Variants in PPFIA2 observed in about 807,000 individuals in gnomAD.
PPFIA2 encodes the protein liprin-alpha-2.
PPFIA2 carries 46 observed loss-of-function variants against 175.5 expected under a neutral mutation model. The ratio of observed to expected loss-of-function variants is 0.26; its 90% CI spans 0.21 to 0.34. PPFIA2 has a LOEUF of 0.34. Among genes scored for constraint, PPFIA2 ranks in the 10% least tolerant of loss-of-function variants. The pLI is 1.00. For missense variants in PPFIA2, 1,179 were observed against 1,506.1 expected (o/e 0.78, Z 3.60); for synonymous variants, 568 against 511.4 (o/e 1.11, Z -1.49).
chr12:81,700,339 CAG>C (rs1360152080), intron 3 of PPFIA2, among the ~76,000 whole-genome samples: 4 of 151,964 alleles, frequency 2.6e-5, no homozygotes, highest in African/African-American at 9.6e-5. Context: ...TAATCAAATG[CAG>C]AGTTCTACAA....
chr12:81,345,160 G>A (rs755087699), intron 18 of PPFIA2, among the ~76,000 whole-genome samples: 4 of 152,028 alleles, frequency 2.6e-5, no homozygotes, highest in Non-Finnish European at 5.9e-5. Context: ...TGCTGTTCCT[G>A]TGGGATCTCA....
chr12:81,353,217 A>G lies in PPFIA2; in HGVS notation c.1896T>C (p.Phe632=), dbSNP rs371093156. The part of the protein sequence containing the change: ...DIDDDDRETI[F]SSMDLLSPSG... ...TTGGAGAGAGAAGATCCATTGAGCT[A>G]AAAATTGTTTCTCTGTCATCATCAT... Residue 632 remains phenylalanine, a synonymous_variant, in exon 17 of 33, where the codon TTT becomes TTC. Transcript: ENST00000549396. 6.2e-7 allele frequency: 1 copy of G among 1,613,844 alleles called. No individual in the cohort carries two copies. The highest frequency in any genetic ancestry group is 8.5e-7 in the Non-Finnish European group (1 of 1,179,820).
chr12:81,742,806 G>A (rs2082489488), intron 3 of PPFIA2, among the ~76,000 whole-genome samples: 1 of 152,248 alleles, frequency 6.6e-6, no homozygotes, highest in East Asian at 1.9e-4. Flanking sequence ...ACTGAAAAGT[G>A]GCCAAAAACA....
At chr12:81,429,135 T>C (rs1176410023) in intron 7 of PPFIA2, among the ~76,000 whole-genome samples, 1 of 152,070 alleles carries the variant, frequency 6.6e-6, no homozygotes, top group Non-Finnish European at 1.5e-5. Flanking sequence ...ATATGTAGCA[T>C]GCATAAACAT....
chr12:81,641,900 C>A (rs2065018951), intron 4 of PPFIA2, among the ~76,000 whole-genome samples: 1 of 152,182 alleles, frequency 6.6e-6, no homozygotes, highest in Non-Finnish European at 1.5e-5. Context: ...CTGCTCTAGT[C>A]AAACTGAACT....
intron 4 of PPFIA2, among the ~76,000 whole-genome samples, chr12:81,466,474 C>T (rs544720146): frequency 2.0e-5 from 3 of 152,092 alleles, no homozygotes; most frequent in Non-Finnish European, 4.4e-5. Flanking sequence ...TCAAAATTGT[C>T]AAGCAGTCTC....
intron 8 of PPFIA2, among the ~76,000 whole-genome samples, chr12:81,401,405 G>A (rs1265671514): frequency 6.6e-6 from 1 of 152,134 alleles, no homozygotes; most frequent in Non-Finnish European, 1.5e-5. Flanking sequence ...TTAAGGGTAA[G>A]GTTCATACAG....
intron 4 of PPFIA2, among the ~76,000 whole-genome samples, chr12:81,646,790 G>A (rs2066150268): frequency 6.6e-6 from 1 of 151,308 alleles, no homozygotes; most frequent in Non-Finnish European, 1.5e-5. Context: ...TGGACATTCA[G>A]GAATACAAAT....
intron 3 of PPFIA2, among the ~76,000 whole-genome samples, chr12:81,693,229 C>G (rs557308769): frequency 1.4e-4 from 21 of 151,822 alleles, no homozygotes; most frequent in South Asian, 4.2e-4. Flanking sequence ...GATGTTTGTC[C>G]CCACCCAAAT....
At chr12:81,341,811 C>T (rs1017546446) in intron 19 of PPFIA2, among the ~76,000 whole-genome samples, 8 of 152,058 alleles carry the variant, frequency 5.3e-5, no homozygotes, top group Non-Finnish European at 7.4e-5. Flanking sequence ...GAACAATTCA[C>T]TAACATATAG....
intron 4 of PPFIA2, among the ~76,000 whole-genome samples, chr12:81,595,236 T>TTATATATATA (rs111526144): frequency 2.1e-4 from 31 of 147,036 alleles, no homozygotes; most frequent in African/African-American, 6.2e-4. Context: ...TTCACTGTGT[T>TTATATATATA]TATATATATA....
chr12:81,484,134 G>C (rs2058560271), intron 4 of PPFIA2, among the ~76,000 whole-genome samples: 1 of 152,042 alleles, frequency 6.6e-6, no homozygotes, highest in South Asian at 2.1e-4. Flanking sequence ...GGTACTTTCA[G>C]AGTTTCATTT....
chr12:81,349,093 G>C (rs113718058), intron 17 of PPFIA2, among the ~76,000 whole-genome samples: 1 of 152,120 alleles, frequency 6.6e-6, no homozygotes, highest in Admixed American at 6.6e-5. Flanking sequence ...ATGGGAAGTT[G>C]AGCTACATTT....
At chr12:81,367,380 A>G (rs1251352002) in intron 13 of PPFIA2, among the ~76,000 whole-genome samples, 1 of 151,620 alleles carries the variant, frequency 6.6e-6, no homozygotes, top group Non-Finnish European at 1.5e-5. Context: ...GGGAAATGCT[A>G]TTTTGTAACA....
At chr12:81,741,150 T>C (rs2082271026) in intron 3 of PPFIA2, among the ~76,000 whole-genome samples, 2 of 152,202 alleles carry the variant, frequency 1.3e-5, no homozygotes, top group Non-Finnish European at 2.9e-5. Context: ...AGTGCTATGA[T>C]TGTAACATAT....
intron 3 of PPFIA2, among the ~76,000 whole-genome samples, chr12:81,714,191 T>C (rs576075653): frequency 7.3e-5 from 11 of 151,304 alleles, no homozygotes; most frequent in African/African-American, 1.7e-4. Context: ...TATGTCCTTA[T>C]ATACATATAA....
At chr12:81,758,339 G>A (rs1035446298) in intron 2 of PPFIA2, 61 bp downstream of exon 2, 1 of 453,950 alleles carries the variant, frequency 2.2e-6, no homozygotes, top group South Asian at 1.6e-5. Context: ...GGGTGGGGCC[G>A]GGGAGGTGGT....
intron 4 of PPFIA2, among the ~76,000 whole-genome samples, chr12:81,660,805 G>A (rs2068699949): frequency 6.6e-6 from 1 of 152,160 alleles, no homozygotes; most frequent in Non-Finnish European, 1.5e-5. Context: ...GAGAAAGGTC[G>A]GGTTACCCAC....
At chr12:81,504,936 T>C (rs958201132) in intron 4 of PPFIA2, among the ~76,000 whole-genome samples, 1 of 151,252 alleles carries the variant, frequency 6.6e-6, no homozygotes, top group Non-Finnish European at 1.5e-5. Context: ...TAAGTGGGAG[T>C]TGAACAATGA....
Sources: gnomAD v4.1 joint callset for allele counts (sites outside exome capture counted in the v4.1 genomes callset) on GRCh38, gnomAD v4.1.1 for gene constraint, MANE v1.5 for transcripts, NCBI Gene and HGNC (gene_info 2026-07-23, HGNC 2026-07-21) for gene names.